OSTF1: variants seen among roughly 807,000 people sequenced by gnomAD.
OSTF1 encodes the protein osteoclast stimulating factor 1, also known as osteoclast-stimulating factor 1.
Under a neutral mutation model 37.2 loss-of-function variants are expected in OSTF1, and 27 were observed. The ratio of observed to expected loss-of-function variants is 0.73; its 90% CI spans 0.54 to 1.00. OSTF1 has a LOEUF of 1.00. Ranked by LOEUF, OSTF1 falls within the 50% of genes least tolerant of loss-of-function variation. The probability of loss-of-function intolerance (pLI) is 0.00; values close to 1 mark genes in which losing one functional copy is unlikely to be tolerated. For synonymous variants in OSTF1, 82 were observed against 89.2 expected, an observed-to-expected ratio of 0.92 and a Z score of 0.46; for missense variants, 232 against 253.8, an observed-to-expected ratio of 0.91 and a Z score of 0.58.
At chr9:75,118,391 C>G (rs1019435353) in intron 2 of OSTF1, among the ~76,000 whole-genome samples, 3 of 152,084 alleles carry the variant, frequency 2.0e-5, no homozygotes, top group Non-Finnish European at 4.4e-5. Flanking sequence ...TAGTGGGAGA[C>G]TACTTCCGAG....
chr9:75,108,165 C>T (rs1198970098), intron 1 of OSTF1, among the ~76,000 whole-genome samples: 1 of 151,894 alleles, frequency 6.6e-6, no homozygotes, highest in East Asian at 1.9e-4. Flanking sequence ...GTTGAAGCTG[C>T]AGTGAGCTAT....
chr9:75,125,224 A>G (rs372616559), intron 2 of OSTF1, among the ~76,000 whole-genome samples: 5 of 152,306 alleles, frequency 3.3e-5, no homozygotes, highest in African/African-American at 1.2e-4. Flanking sequence ...GTTGGGGCAG[A>G]GGTGGCTGCT....
chr9:75,120,806 T>A (rs985037383), intron 2 of OSTF1, among the ~76,000 whole-genome samples: 31 of 152,260 alleles, frequency 2.0e-4, no homozygotes, highest in Admixed American at 2.0e-3. Flanking sequence ...GCTCTGCTCC[T>A]TCCTGTTCTT....
At chr9:75,105,228 A>G (rs1287643255) in intron 1 of OSTF1, among the ~76,000 whole-genome samples, 2 of 152,182 alleles carry the variant, frequency 1.3e-5, no homozygotes, top group Non-Finnish European at 2.9e-5. Flanking sequence ...GCAGATCTTC[A>G]TGCTGTGGCC....
intron 1 of OSTF1, among the ~76,000 whole-genome samples, chr9:75,096,182 G>A (rs540109425): frequency 5.2e-4 from 79 of 152,210 alleles, no homozygotes; most frequent in African/African-American, 1.6e-3. Context: ...GTGAGCCACC[G>A]CGCCTGGACA....
At position 75,127,607 on chromosome 9, in the gene OSTF1, C is replaced by T. The variant is rs886665715; in HGVS notation, c.120C>T (p.Tyr40=). The T allele has an allele frequency of 3.8e-6, 6 of 1,572,262 alleles. No individual in the cohort carries two copies. Among genetic ancestry groups the T allele is most frequent in the African/African-American group, 1.4e-5 (1 of 73,386 alleles). Residue 40 remains tyrosine (Y), a synonymous_variant, in exon 3 of 10, where the codon TAC becomes TAT. Coordinates refer to ENST00000346234, the MANE Select transcript of OSTF1 (RefSeq NM_012383.5). ...ACTTTGAGGAAGGTGATATTATCTA[C>T]ATTACTGACATGGTAAGTCCAGATA... ...ELYFEEGDII[Y]ITDMSDTNWW...
At chr9:75,142,680 T>A (rs1825961574) in intron 9 of OSTF1, among the ~76,000 whole-genome samples, 1 of 152,176 alleles carries the variant, frequency 6.6e-6, no homozygotes, top group Non-Finnish European at 1.5e-5. Flanking sequence ...GTGTTTAGTC[T>A]ACCTTCCTGA....
chr9:75,124,177 T>C (rs938680638), intron 2 of OSTF1, among the ~76,000 whole-genome samples: 1 of 152,180 alleles, frequency 6.6e-6, no homozygotes, highest in African/African-American at 2.4e-5. Flanking sequence ...TATATATTCA[T>C]GGGGCACATG....
rs184666297 is a variant in OSTF1 at position 75,101,053 on chromosome 9, A to G, written c.34+12327A>G. Among the ~76,000 whole-genome samples, 20 of 152,240 alleles carry G rather than the reference A, an allele frequency of 1.3e-4. No individual in the cohort carries two copies. In the East Asian group the frequency reaches 3.9e-3, roughly 29 times the overall value. On this transcript the variant is annotated intron_variant, in intron 1 of 9. Transcript: ENST00000346234. ...ATACCTTGACATTTCTTAGGGTTAA[A>G]ATTCTCCCCTGGCCTTTTTGGGAGT... is the stretch of plus-strand genomic sequence containing the variant.
At chr9:75,133,947 A>G (rs1188697941) in intron 6 of OSTF1, among the ~76,000 whole-genome samples, 1 of 152,200 alleles carries the variant, frequency 6.6e-6, no homozygotes. Context: ...TCTATAACAA[A>G]AGAAATAAAC....
intron 1 of OSTF1, among the ~76,000 whole-genome samples, chr9:75,115,602 C>G (rs1825472005): frequency 6.6e-6 from 1 of 150,866 alleles, no homozygotes; most frequent in African/African-American, 2.4e-5. Context: ...GATATCTGTT[C>G]TAAATCTATT....
intron 4 of OSTF1, among the ~76,000 whole-genome samples, chr9:75,130,950 A>G (rs1825753042): frequency 6.6e-6 from 1 of 152,156 alleles, no homozygotes; most frequent in African/African-American, 2.4e-5. Flanking sequence ...AATCTTGCAG[A>G]TAGTTTCTTA....
intron 6 of OSTF1, among the ~76,000 whole-genome samples, chr9:75,134,001 G>C (rs950464792): frequency 6.6e-6 from 1 of 152,136 alleles, no homozygotes; most frequent in Non-Finnish European, 1.5e-5. Flanking sequence ...TTAAATAGCA[G>C]TGCCAAAGGA....
intron 5 of OSTF1, among the ~76,000 whole-genome samples, chr9:75,132,122 G>T (rs187614148): frequency 1.3e-4 from 20 of 152,322 alleles, no homozygotes; most frequent in Middle Eastern, 3.4e-3. Flanking sequence ...ACAACATCTG[G>T]CAGGGGAGAG....
intron 1 of OSTF1, among the ~76,000 whole-genome samples, chr9:75,106,399 C>A (rs920878102): frequency 1.2e-4 from 19 of 152,022 alleles, no homozygotes; most frequent in African/African-American, 4.6e-4. Context: ...AATCCCAGCA[C>A]TTTGAGAGGC....
chr9:75,092,416 G>A (rs1228989384), intron 1 of OSTF1, among the ~76,000 whole-genome samples: 2 of 152,148 alleles, frequency 1.3e-5, no homozygotes, highest in African/African-American at 4.8e-5. Context: ...GGGGTTCCCA[G>A]GAACAATAAT....
intron 3 of OSTF1, among the ~76,000 whole-genome samples, chr9:75,128,893 A>G (rs1223367535): frequency 6.6e-6 from 1 of 152,034 alleles, no homozygotes; most frequent in Non-Finnish European, 1.5e-5. Flanking sequence ...TAAAACAAAA[A>G]TATTCCCTGC....
At chr9:75,135,420 A>T (rs1825826925) in intron 7 of OSTF1, among the ~76,000 whole-genome samples, 1 of 151,198 alleles carries the variant, frequency 6.6e-6, no homozygotes, top group Non-Finnish European at 1.5e-5. Flanking sequence ...TCTCTTCCCA[A>T]TGATTATGAT....
intron 1 of OSTF1, among the ~76,000 whole-genome samples, chr9:75,097,753 CTCT>C (rs1287407470): frequency 7.8e-6 from 1 of 127,798 alleles, no homozygotes; most frequent in Non-Finnish European, 1.8e-5. Context: ...GTGCCGTCCC[CTCT>C]TTTTTTTTTT....
Sources: gnomAD v4.1 joint callset for allele counts (sites outside exome capture counted in the v4.1 genomes callset) on GRCh38, gnomAD v4.1.1 for gene constraint, MANE v1.5 for transcripts, NCBI Gene and HGNC (gene_info 2026-07-23, HGNC 2026-07-21) for gene names.